LRP1B: variants seen among roughly 807,000 people sequenced by gnomAD.
LRP1B encodes low-density lipoprotein receptor-related protein 1B.
Under a neutral mutation model 556.6 loss-of-function variants are expected in LRP1B, and 217 were observed. That is an observed-to-expected ratio of 0.39 (90% confidence interval 0.35 to 0.44). LRP1B has a LOEUF of 0.44. LRP1B is among the 20% of genes least tolerant of loss of function. LRP1B has a pLI of 1.00. For missense variants in LRP1B, 5,053 were observed against 5,620.8 expected, an observed-to-expected ratio of 0.90 and a Z score of 3.23; for synonymous variants, 2,047 against 1,865.8, an observed-to-expected ratio of 1.10 and a Z score of -2.50.
rs1680852476 is a variant in LRP1B at position 140,239,382 on chromosome 2, T to C, written c.13415+60A>G. On this transcript the variant is annotated intron_variant, in intron 88 of 90. Transcript: ENST00000389484. Reference sequence around the variant, plus strand: ...AAAAAAATTAACAACAAACATTATGTTTCTGCACCTAGTTGTGTGATTTAT... The same window carrying C: ...AAAAAAATTAACAACAAACATTATGCTTCTGCACCTAGTTGTGTGATTTAT... 5 of 1,048,238 alleles carry C rather than the reference T, an allele frequency of 4.8e-6. No homozygotes were observed. In the South Asian group the frequency reaches 6.1e-5, roughly 13 times the overall value. 64.9% of individuals were successfully genotyped at this position (1,048,238 alleles called of 1,614,324 possible).
intron 63 of LRP1B, 28 bp downstream of exon 63, chr2:140,450,540 A>C (rs749818476): frequency 6.5e-7 from 1 of 1,533,928 alleles, no homozygotes; most frequent in Non-Finnish European, 9.0e-7. Context: ...TCTAAATTCT[A>C]AATTTCAATA....
At chr2:140,913,393 T>G (rs938990175) in intron 21 of LRP1B, among the ~76,000 whole-genome samples, 4 of 151,422 alleles carry the variant, frequency 2.6e-5, no homozygotes, top group Admixed American at 6.6e-5. Context: ...TTCAAGGAGG[T>G]GGAAAATATG....
At chr2:140,997,117 G>A in intron 15 of LRP1B, among the ~76,000 whole-genome samples, 1 of 151,834 alleles carries the variant, frequency 6.6e-6, no homozygotes, top group Non-Finnish European at 1.5e-5. Flanking sequence ...AATTGACAAA[G>A]TAATAAATAA....
intron 22 of LRP1B, 21 bp downstream of exon 22, chr2:140,907,856 G>A (rs1411086881): frequency 6.2e-7 from 1 of 1,608,264 alleles, no homozygotes; most frequent in Non-Finnish European, 8.5e-7. Flanking sequence ...GGAGAAGTCA[G>A]TACAATTAAA....
At chr2:140,323,612 AAT>A (rs1680284753) in intron 81 of LRP1B, among the ~76,000 whole-genome samples, 5 of 151,550 alleles carry the variant, frequency 3.3e-5, no homozygotes, top group African/African-American at 1.2e-4. Context: ...ATAATAATAA[AAT>A]AAAAGAATTT....
intron 2 of LRP1B, among the ~76,000 whole-genome samples, chr2:141,544,513 T>A (rs909076302): frequency 6.6e-6 from 1 of 151,082 alleles, no homozygotes; most frequent in African/African-American, 2.4e-5. Context: ...ACGCCTGGCC[T>A]CAAGTGATCC....
rs942125915 is a variant in LRP1B at position 140,231,706 on chromosome 2, A to T, written c.*1480T>A. 1.3e-5 allele frequency: 2 copies of T among 151,746 alleles called. No individual in the cohort carries two copies. Among genetic ancestry groups the T allele is most frequent in the African/African-American group, 4.8e-5 (2 of 41,332 alleles). The allele number at this position is 151,746 out of a possible 1,614,324, so 9.4% of individuals were successfully genotyped here. Reference sequence around the variant, plus strand: ...TATGCATGCACATAGTACAACAAAAAGTCTTCTTATAAAACAGCAGTTTTT... The same window carrying T: ...TATGCATGCACATAGTACAACAAAATGTCTTCTTATAAAACAGCAGTTTTT... On this transcript the variant is annotated 3_prime_UTR_variant, in exon 91 of 91. Transcript: ENST00000389484.
At chr2:141,065,710 C>G (rs971005997) in intron 7 of LRP1B, among the ~76,000 whole-genome samples, 2 of 151,880 alleles carry the variant, frequency 1.3e-5, no homozygotes, top group Admixed American at 1.3e-4. Flanking sequence ...CTATGATCTA[C>G]CCCCAAAATT....
intron 7 of LRP1B, among the ~76,000 whole-genome samples, chr2:141,112,016 A>G (rs889520645): frequency 3.3e-5 from 5 of 151,738 alleles, no homozygotes; most frequent in African/African-American, 4.8e-5. Context: ...ACTGCACTCC[A>G]GCCTGGGCAA....
chr2:141,003,029 T>C (rs1024482617), intron 15 of LRP1B, among the ~76,000 whole-genome samples: 2 of 151,840 alleles, frequency 1.3e-5, no homozygotes, highest in African/African-American at 4.8e-5. Flanking sequence ...TAAAATAATT[T>C]AAAACTGAGG....
intron 41 of LRP1B, among the ~76,000 whole-genome samples, chr2:140,677,876 CA>C (rs56656451): frequency 0.035 from 2,612 of 75,242 alleles, 36 homozygotes; most frequent in Admixed American, 0.089. Context: ...AACTATGTCT[CA>C]AAAAAAAAAA....
At chr2:141,573,110 T>C (rs915504563) in intron 2 of LRP1B, among the ~76,000 whole-genome samples, 2 of 152,190 alleles carry the variant, frequency 1.3e-5, no homozygotes, top group Non-Finnish European at 2.9e-5. Context: ...AGTAAACATC[T>C]ACAGAACCCT....
intron 42 of LRP1B, among the ~76,000 whole-genome samples, 170 bp from the exon 43 acceptor site, chr2:140,599,005 A>G (rs1304514979): frequency 6.6e-6 from 1 of 152,182 alleles, no homozygotes; most frequent in Non-Finnish European, 1.5e-5. Flanking sequence ...TTATATATGC[A>G]TGTTAATTTT....
chr2:141,313,875 T>C (rs1005509556), intron 3 of LRP1B, among the ~76,000 whole-genome samples: 3 of 152,120 alleles, frequency 2.0e-5, no homozygotes, highest in East Asian at 3.9e-4. Flanking sequence ...TCTTTTTTTT[T>C]TTTCAAACAC....
Position 140,776,182 on chromosome 2 carries a change from T to G in LRP1B, c.5416A>C (p.Arg1806=). ...AGGATGGTGGGGTTTCTTCCGTCTC[T>G]TTTGCTGCAGGTTCCTAGCTGGGCT... ...NLAQLGTCSK[R]DGRNPTILRN... Residue 1806 remains arginine (R), a synonymous_variant, in exon 33 of 91, where the codon AGA becomes CGA. Transcript: ENST00000389484. 1 of 1,602,314 alleles carries G rather than the reference T, an allele frequency of 6.2e-7. No individual in the cohort carries two copies.
intron 11 of LRP1B, among the ~76,000 whole-genome samples, chr2:141,042,035 C>T (rs1329960281): frequency 2.6e-5 from 4 of 152,090 alleles, no homozygotes; most frequent in Non-Finnish European, 4.4e-5. Flanking sequence ...ATACCACAGA[C>T]TCCAAAATCA....
chr2:140,245,578 A>G (rs2104895797), intron 87 of LRP1B, among the ~76,000 whole-genome samples: 1 of 151,528 alleles, frequency 6.6e-6, no homozygotes, highest in Non-Finnish European at 1.5e-5. Flanking sequence ...CTACAGCTTG[A>G]TAACTTCAAA....
chr2:140,507,021 A>T, intron 52 of LRP1B, 103 bp from the exon 53 acceptor site: 1 of 1,242,864 alleles, frequency 8.0e-7, no homozygotes, highest in Non-Finnish European at 1.1e-6. Flanking sequence ...AATAATTCAT[A>T]GTTACTGAGA....
At chr2:140,662,425 A>G (rs1273101859) in intron 41 of LRP1B, among the ~76,000 whole-genome samples, 1 of 152,154 alleles carries the variant, frequency 6.6e-6, no homozygotes, top group African/African-American at 2.4e-5. Context: ...GGGTAATAAT[A>G]CAAGGGAACT....
Sources: allele counts gnomAD v4.1 joint callset (sites outside exome capture counted in the v4.1 genomes callset), GRCh38; gene constraint gnomAD v4.1.1; transcripts MANE v1.5; gene names NCBI Gene and HGNC (gene_info 2026-07-23, HGNC 2026-07-21).